PLCB4: variants seen among roughly 807,000 people sequenced by gnomAD.
The protein encoded by PLCB4 is 1-phosphatidylinositol 4,5-bisphosphate phosphodiesterase beta-4.
PLCB4 carries 77 observed loss-of-function variants against 178.8 expected under a neutral mutation model. That is an observed-to-expected ratio of 0.43 (90% confidence interval 0.36 to 0.52). The LOEUF (loss-of-function observed/expected upper bound fraction) is 0.52. PLCB4 is among the 20% of genes least tolerant of loss of function. The probability of loss-of-function intolerance (pLI) is 0.00; values close to 1 mark genes in which losing one functional copy is unlikely to be tolerated. For synonymous variants in PLCB4, 496 were observed against 490.8 expected, an observed-to-expected ratio of 1.01 and a Z score of -0.14; for missense variants, 1,024 against 1,453.4, an observed-to-expected ratio of 0.70 and a Z score of 4.80.
chr20:9,381,326 C>T (rs1285971118), intron 13 of PLCB4, among the ~76,000 whole-genome samples: 1 of 152,106 alleles, frequency 6.6e-6, no homozygotes, highest in Non-Finnish European at 1.5e-5. Context: ...CTCAGTTTCC[C>T]TGCTTGTAAG....
intron 3 of PLCB4, among the ~76,000 whole-genome samples, chr20:9,250,679 A>G (rs2094171354): frequency 6.6e-6 from 1 of 152,202 alleles, no homozygotes; most frequent in Admixed American, 6.5e-5. Flanking sequence ...TGGCATGCCC[A>G]TCATCACATA....
At chr20:9,348,692 G>T (rs190365266) in intron 7 of PLCB4, among the ~76,000 whole-genome samples, 8 of 152,192 alleles carry the variant, frequency 5.3e-5, no homozygotes, top group African/African-American at 1.9e-4. Context: ...ATTAAGTGTG[G>T]ATTTTTAGCT....
rs147173507 is a variant in PLCB4, at chr20:9,227,993, G to A, written c.-16+10541G>A. On this transcript the variant is annotated intron_variant, in intron 3 of 39. Transcript: ENST00000378473. ...AATCCAAGGGCTTCTTTTGCTTAAA[G>A]TTTTACATTCTAGAAGCCCTGGAAA... Among the ~76,000 whole-genome samples the A allele has an allele frequency of 1.2e-4, 18 of 152,244 alleles. No individual in the cohort carries two copies. In the East Asian group the frequency reaches 3.5e-3, roughly 29 times the overall value.
At chr20:9,477,132 C>T (rs533199158) in intron 39 of PLCB4, among the ~76,000 whole-genome samples, 27 of 152,220 alleles carry the variant, frequency 1.8e-4, no homozygotes, top group African/African-American at 6.0e-4. Flanking sequence ...TTAAAGCGCT[C>T]GCTGAAAGTT....
chr20:9,306,786 G>A (rs2094772628), intron 3 of PLCB4, among the ~76,000 whole-genome samples: 1 of 152,152 alleles, frequency 6.6e-6, no homozygotes, highest in Admixed American at 6.5e-5. Context: ...CAACAAGGAT[G>A]GGTAAAAGGA....
chr20:9,232,640 T>C (rs904059756), intron 3 of PLCB4, among the ~76,000 whole-genome samples: 3 of 152,152 alleles, frequency 2.0e-5, no homozygotes, highest in Non-Finnish European at 4.4e-5. Flanking sequence ...GGGTAAAGTT[T>C]GTAGGTAATT....
intron 8 of PLCB4, among the ~76,000 whole-genome samples, chr20:9,365,235 T>G (rs1304165784): frequency 2.0e-5 from 3 of 152,192 alleles, no homozygotes; most frequent in African/African-American, 7.2e-5. Flanking sequence ...ATACTTACAG[T>G]AAAAGAAAAT....
At chr20:9,458,537 T>C (rs2043193582) in intron 34 of PLCB4, among the ~76,000 whole-genome samples, 1 of 152,222 alleles carries the variant, frequency 6.6e-6, no homozygotes, top group African/African-American at 2.4e-5. Context: ...GCCATACTTC[T>C]GCTGATTTTG....
At chr20:9,232,943 T>C (rs1415253340) in intron 3 of PLCB4, among the ~76,000 whole-genome samples, 3 of 152,144 alleles carry the variant, frequency 2.0e-5, no homozygotes, top group African/African-American at 7.2e-5. Flanking sequence ...GAATGCTTGA[T>C]GTAACTTAGG....
chr20:9,395,751 C>T lies in PLCB4; in HGVS notation c.1510+133C>T. ...GGCCAAGGTGGGAGGATTGCTTGAG[C>T]CCAGGAGTTCAAGACCAGCCTGGGC... On this transcript the variant is annotated intron_variant, in intron 19 of 39. Coordinates refer to ENST00000378473, the MANE Select transcript of PLCB4 (RefSeq NM_001377142.1). The T allele has an allele frequency of 3.4e-5, 20 of 588,494 alleles. No individual in the cohort carries two copies. In the South Asian group the frequency reaches 3.6e-4, roughly 11 times the overall value. The allele number at this position is 588,494 out of a possible 1,614,324, so 36.5% of individuals were successfully genotyped here.
chr20:9,239,606 G>A (rs148987497), intron 3 of PLCB4, among the ~76,000 whole-genome samples: 17 of 152,268 alleles, frequency 1.1e-4, no homozygotes, highest in Non-Finnish European at 1.9e-4. Context: ...CGCTATCATC[G>A]TATGTATTAG....
Position 9,408,054 on chromosome 20 carries a change from A to G in PLCB4, c.1785A>G (p.Ala595=), listed in dbSNP as rs1568759349. The G allele has an allele frequency of 6.2e-7, 1 of 1,612,588 alleles. No individual in the cohort carries two copies. Among genetic ancestry groups the G allele is most frequent in the Non-Finnish European group, 8.5e-7 (1 of 1,179,336 alleles). The change falls in exon 22 of 40, where the codon GCA becomes GCG. Residue 595 remains alanine (A), a synonymous_variant. Transcript: ENST00000378473. ...QPVKFQGFHV[A]EERNIHYNMS... is the part of the protein sequence containing the mutation. ...TAAAGTTTCAAGGTTTCCATGTGGC[A>G]GAAGGTAACACCAAAGGTTAAATGC... is the stretch of plus-strand genomic sequence containing the variant.
intron 1 of PLCB4, among the ~76,000 whole-genome samples, chr20:9,073,328 G>A (rs576281384): frequency 8.7e-4 from 133 of 152,170 alleles, no homozygotes; most frequent in Non-Finnish European, 1.5e-3. Flanking sequence ...TCTAGAACAG[G>A]AGTTCTTCAT....
chr20:9,128,614 A>G (rs2092192867), intron 2 of PLCB4, among the ~76,000 whole-genome samples: 1 of 151,992 alleles, frequency 6.6e-6, no homozygotes, highest in Non-Finnish European at 1.5e-5. Flanking sequence ...CCAACTCTTG[A>G]CCTCAAGTGA....
At chr20:9,419,658 C>T (rs2040490937) in intron 25 of PLCB4, 149 bp from the exon 26 acceptor site, 1 of 633,546 alleles carries the variant, frequency 1.6e-6, no homozygotes. Context: ...TAAGGGCGGG[C>T]ACATTCTCTT....
intron 3 of PLCB4, among the ~76,000 whole-genome samples, chr20:9,288,049 G>T (rs2094549922): frequency 6.6e-6 from 1 of 152,072 alleles, no homozygotes; most frequent in Non-Finnish European, 1.5e-5. Context: ...CTCACCTGAG[G>T]TTTCTTGGCC....
intron 7 of PLCB4, among the ~76,000 whole-genome samples, chr20:9,360,890 C>T (rs1171317432): frequency 6.6e-6 from 1 of 152,162 alleles, no homozygotes. Context: ...CCTCAGAAAA[C>T]TGTTAGGTGT....
At chr20:9,354,398 A>G (rs2034605225) in intron 7 of PLCB4, among the ~76,000 whole-genome samples, 2 of 152,234 alleles carry the variant, frequency 1.3e-5, no homozygotes, top group Non-Finnish European at 2.9e-5. Flanking sequence ...CACCCCCTTC[A>G]GTTAATTTTC....
chr20:9,337,295 A>G, intron 5 of PLCB4, 89 bp downstream of exon 5: 1 of 856,038 alleles, frequency 1.2e-6, no homozygotes, highest in East Asian at 2.4e-5. Context: ...CTGTTGATGA[A>G]CCCTACCCTT....
Sources: allele counts gnomAD v4.1 joint callset (sites outside exome capture counted in the v4.1 genomes callset), GRCh38; gene constraint gnomAD v4.1.1; transcripts MANE v1.5; gene names NCBI Gene and HGNC (gene_info 2026-07-23, HGNC 2026-07-21).